The following GALNT17 variants were observed in gnomAD, a reference collection of about 807,000 sequenced individuals.
GALNT17 encodes the protein polypeptide N-acetylgalactosaminyltransferase 17.
GALNT17 carries 29 observed loss-of-function variants against 63.7 expected under a neutral mutation model. That is an observed-to-expected ratio of 0.46 (90% CI 0.34 to 0.62). GALNT17 has a LOEUF of 0.62. Among genes scored for constraint, GALNT17 ranks in the 20% least tolerant of loss-of-function variants. The pLI is 0.01. For missense variants in GALNT17, 603 were observed against 799.6 expected (o/e 0.75, Z 2.97); for synonymous variants, 305 against 318.3 (o/e 0.96, Z 0.45).
At chr7:71,687,826 T>G (rs1022205712) in intron 9 of GALNT17, among the ~76,000 whole-genome samples, 1 of 152,128 alleles carries the variant, frequency 6.6e-6, no homozygotes, top group Non-Finnish European at 1.5e-5. Flanking sequence ...AACCTCAATC[T>G]CCCAGACTAC....
At chr7:71,366,032 G>T (rs79113309) in intron 2 of GALNT17, among the ~76,000 whole-genome samples, 3 of 152,132 alleles carry the variant, frequency 2.0e-5, no homozygotes, top group African/African-American at 7.2e-5. Flanking sequence ...TAAGGAGCTC[G>T]CAACCTAGAT....
At chr7:71,240,782 A>G (rs1789980695) in intron 1 of GALNT17, among the ~76,000 whole-genome samples, 1 of 151,032 alleles carries the variant, frequency 6.6e-6, no homozygotes, top group Admixed American at 6.6e-5. Flanking sequence ...CTCCTGCCTC[A>G]GCCTCCCGAG....
intron 6 of GALNT17, among the ~76,000 whole-genome samples, chr7:71,613,792 A>AT (rs56216543): frequency 0.14 from 19,063 of 132,364 alleles, 2,127 homozygotes; most frequent in African/African-American, 0.32. Context: ...CATCTCTATG[A>AT]TTTTTTTTTT....
At chr7:71,611,689 C>T (rs1790127720) in intron 6 of GALNT17, among the ~76,000 whole-genome samples, 1 of 152,014 alleles carries the variant, frequency 6.6e-6, no homozygotes. Context: ...ACACATTAAA[C>T]TCCTAGGAAA....
chr7:71,646,785 C>T (rs1584110693), intron 6 of GALNT17, among the ~76,000 whole-genome samples: 2 of 132,124 alleles, frequency 1.5e-5, no homozygotes, highest in African/African-American at 5.7e-5. Flanking sequence ...CTCGCTCTGT[C>T]ACCCAGGCTG....
intron 1 of GALNT17, among the ~76,000 whole-genome samples, chr7:71,157,219 A>G (rs775891336): frequency 6.6e-6 from 1 of 151,902 alleles, no homozygotes; most frequent in African/African-American, 2.4e-5. Flanking sequence ...ATCTTGGCAG[A>G]TATCACCCCT....
intron 1 of GALNT17, among the ~76,000 whole-genome samples, chr7:71,309,846 C>T (rs561810575): frequency 2.0e-5 from 3 of 152,250 alleles, no homozygotes; most frequent in East Asian, 1.9e-4. Context: ...CCAGCCAACA[C>T]TAAGAGAGAA....
intron 6 of GALNT17, among the ~76,000 whole-genome samples, chr7:71,624,417 T>A (rs1183902358): frequency 2.0e-5 from 3 of 152,172 alleles, no homozygotes; most frequent in Non-Finnish European, 4.4e-5. Flanking sequence ...GTTCTAGGTA[T>A]AATTAAGGGC....
chr7:71,400,190 C>T (rs986853324), intron 3 of GALNT17, among the ~76,000 whole-genome samples: 3 of 152,012 alleles, frequency 2.0e-5, no homozygotes, highest in African/African-American at 7.3e-5. Context: ...GTGATGCTCC[C>T]CTCTCTGTGT....
At chr7:71,322,313 T>G (rs550606941) in intron 1 of GALNT17, among the ~76,000 whole-genome samples, 4 of 152,256 alleles carry the variant, frequency 2.6e-5, no homozygotes, top group East Asian at 1.9e-4. Flanking sequence ...TTAAATAACC[T>G]TTGTAGAGCA....
At chr7:71,362,337 T>C (rs1583889986) in intron 2 of GALNT17, among the ~76,000 whole-genome samples, 1 of 152,218 alleles carries the variant, frequency 6.6e-6, no homozygotes, top group East Asian at 1.9e-4. Flanking sequence ...TGTGTGTTCA[T>C]GCTTAACTGA....
intron 1 of GALNT17, among the ~76,000 whole-genome samples, chr7:71,220,907 C>A (rs1789570843): frequency 6.6e-6 from 1 of 152,114 alleles, no homozygotes; most frequent in Non-Finnish European, 1.5e-5. Flanking sequence ...TTTGTAATGG[C>A]AAACTAATAT....
intron 1 of GALNT17, among the ~76,000 whole-genome samples, chr7:71,285,386 G>A (rs747325787): frequency 3.9e-5 from 6 of 152,102 alleles, no homozygotes; most frequent in East Asian, 1.9e-4. Flanking sequence ...CTCAATTTGC[G>A]TATTGTCATG....
At chr7:71,424,089 A>G (rs965572803) in intron 5 of GALNT17, among the ~76,000 whole-genome samples, 4 of 152,218 alleles carry the variant, frequency 2.6e-5, no homozygotes, top group African/African-American at 9.6e-5. Flanking sequence ...CAGCTCCCAC[A>G]CCAACTGTTC....
intron 1 of GALNT17, among the ~76,000 whole-genome samples, chr7:71,149,995 A>G (rs924564417): frequency 6.6e-6 from 1 of 151,978 alleles, no homozygotes; most frequent in African/African-American, 2.4e-5. Context: ...GGGCTGGAGG[A>G]GGGGCCCTCA....
chr7:71,145,947 C>G (rs978248758), intron 1 of GALNT17, among the ~76,000 whole-genome samples: 8 of 152,126 alleles, frequency 5.3e-5, no homozygotes, highest in Non-Finnish European at 7.3e-5. Flanking sequence ...CTCAAGTGCT[C>G]CGTCAGTCTT....
intron 1 of GALNT17, among the ~76,000 whole-genome samples, chr7:71,214,288 G>A (rs1485694450): frequency 2.0e-5 from 3 of 152,204 alleles, no homozygotes; most frequent in East Asian, 3.8e-4. Flanking sequence ...TTTTCTGGAC[G>A]AAGAGTACCT....
chr7:71,161,447 G>A (rs919059774), intron 1 of GALNT17, among the ~76,000 whole-genome samples: 7 of 152,006 alleles, frequency 4.6e-5, no homozygotes, highest in South Asian at 4.1e-4. Context: ...TTAATGTCGC[G>A]AAGGAATTAT....
chr7:71,626,561 TG>T (rs1324795654), intron 6 of GALNT17, among the ~76,000 whole-genome samples: 1 of 152,192 alleles, frequency 6.6e-6, no homozygotes, highest in African/African-American at 2.4e-5. Context: ...TCAAGATAAT[TG>T]CTCTAGAAGC....
Sources: allele counts gnomAD v4.1 joint callset (sites outside exome capture counted in the v4.1 genomes callset), GRCh38; gene constraint gnomAD v4.1.1; transcripts MANE v1.5; gene names NCBI Gene and HGNC (gene_info 2026-07-23, HGNC 2026-07-21).